Variants in DAB1 observed in about 807,000 individuals in gnomAD.
The protein encoded by DAB1 is disabled homolog 1.
Under a neutral mutation model 64.6 loss-of-function variants are expected in DAB1, and 15 were observed. The observed-to-expected ratio is 0.23, with a 90% CI of 0.16 to 0.36. The LOEUF (loss-of-function observed/expected upper bound fraction) is 0.36. Among genes scored for constraint, DAB1 ranks in the 10% least tolerant of loss-of-function variants. The pLI is 1.00. For missense variants in DAB1, 596 were observed against 706.7 expected (o/e 0.84, Z 1.78); for synonymous variants, 235 against 251.9 (o/e 0.93, Z 0.64).
intron 5 of DAB1, chr1:58,056,532 T>A: frequency 1.0e-6 from 1 of 967,818 alleles, no homozygotes. Flanking sequence ...TGTTGGGTTA[T>A]GTCACCTTGC....
In DAB1 at chr1:57,465,666, T is replaced by C. The variant is rs534934312; in HGVS notation, n.626-174500A>G. Among the ~76,000 whole-genome samples, 51 of 152,266 alleles carry C rather than the reference T, an allele frequency of 3.3e-4. 1 individual carries two copies. Among genetic ancestry groups the C allele is most frequent in the Non-Finnish European group, 4.3e-4 (29 of 68,040 alleles). ...TACTCTTTCTTAAGAAGATGCATTT[T>C]GTTTTGTGTCAAAACTGGTATAATG... On this transcript the variant is annotated intron_variant and non_coding_transcript_variant, in intron 7 of 20. Transcript: ENST00000485760.
chr1:57,761,579 G>C (rs1649089282), intron 6 of DAB1, among the ~76,000 whole-genome samples: 1 of 152,172 alleles, frequency 6.6e-6, no homozygotes, highest in African/African-American at 2.4e-5. Flanking sequence ...GCAGAAGAGG[G>C]CATTGTCTTT....
intron 4 of DAB1, among the ~76,000 whole-genome samples, chr1:58,163,228 A>T (rs748082049): frequency 2.0e-5 from 3 of 152,214 alleles, no homozygotes; most frequent in Non-Finnish European, 4.4e-5. Flanking sequence ...AGTTAAGAAC[A>T]AAAGGATAGC....
chr1:58,468,268 A>G (rs1645316843), intron 3 of DAB1: 3 of 152,222 alleles, frequency 2.0e-5, no homozygotes, highest in African/African-American at 7.2e-5. Flanking sequence ...TCATCTACAA[A>G]TTATATATGA....
intron 1 of DAB1, among the ~76,000 whole-genome samples, chr1:57,412,553 C>G (rs1337304273): frequency 2.0e-5 from 3 of 152,174 alleles, no homozygotes; most frequent in African/African-American, 7.2e-5. Flanking sequence ...CCAGTGAACA[C>G]ATGACTGATA....
intron 1 of DAB1, among the ~76,000 whole-genome samples, chr1:57,380,318 C>T (rs1412535423): frequency 1.3e-5 from 2 of 152,100 alleles, no homozygotes; most frequent in Non-Finnish European, 2.9e-5. Flanking sequence ...GTAAATAAAG[C>T]GTAGCCTAGA....
At chr1:57,465,321 A>G (rs1686919548) in intron 7 of DAB1, among the ~76,000 whole-genome samples, 1 of 152,142 alleles carries the variant, frequency 6.6e-6, no homozygotes, top group Admixed American at 6.6e-5. Flanking sequence ...TATATTCTTA[A>G]TGTAGTTTGG....
At chr1:58,204,867 C>CA (rs1478200910) in intron 4 of DAB1, among the ~76,000 whole-genome samples, 1 of 152,128 alleles carries the variant, frequency 6.6e-6, no homozygotes, top group African/African-American at 2.4e-5. Flanking sequence ...CATAAGCCGT[C>CA]ACGATGTGAT....
At chr1:58,466,858 G>T (rs930122407) in intron 3 of DAB1, among the ~76,000 whole-genome samples, 9 of 152,164 alleles carry the variant, frequency 5.9e-5, no homozygotes, top group Non-Finnish European at 1.0e-4. Flanking sequence ...CTAGTTGGGG[G>T]ACTCCTTGTG....
intron 7 of DAB1, among the ~76,000 whole-genome samples, chr1:57,433,480 A>G (rs1455184217): frequency 1.3e-5 from 2 of 152,148 alleles, no homozygotes; most frequent in African/African-American, 4.8e-5. Context: ...GCATAAACAT[A>G]TGGGAAAAAA....
intron 7 of DAB1, among the ~76,000 whole-genome samples, chr1:57,552,270 G>T (rs1245079635): frequency 1.3e-5 from 2 of 152,148 alleles, no homozygotes; most frequent in Non-Finnish European, 2.9e-5. Context: ...AAATCCAGTT[G>T]AGGTCAAATA....
chr1:57,563,085 G>C (rs1471857708), intron 7 of DAB1, among the ~76,000 whole-genome samples: 1 of 152,150 alleles, frequency 6.6e-6, no homozygotes, highest in Admixed American at 6.5e-5. Flanking sequence ...CAGGAATAAG[G>C]TTTGGGTCAC....
intron 7 of DAB1, among the ~76,000 whole-genome samples, chr1:57,574,741 A>T (rs749486164): frequency 2.0e-5 from 3 of 152,084 alleles, no homozygotes; most frequent in Non-Finnish European, 4.4e-5. Context: ...GCCAGATCCC[A>T]CCTGTTGGTG....
At chr1:57,673,825 T>C (rs1325982517) in intron 6 of DAB1, among the ~76,000 whole-genome samples, 1 of 152,196 alleles carries the variant, frequency 6.6e-6, no homozygotes, top group Non-Finnish European at 1.5e-5. Context: ...TAATTAGTCT[T>C]TCACTAGGAA....
intron 1 of DAB1, chr1:58,539,424 A>G: frequency 1.6e-6 from 1 of 623,080 alleles, no homozygotes. Flanking sequence ...TCTCAGGCTA[A>G]ATTACCTTGG....
intron 5 of DAB1, among the ~76,000 whole-genome samples, chr1:58,139,422 G>A (rs990718626): frequency 3.3e-5 from 5 of 152,158 alleles, no homozygotes; most frequent in Middle Eastern, 3.2e-3. Flanking sequence ...ATGGCAAAAG[G>A]AGAAGCAAAC....
chr1:57,815,066 T>TG (rs1226239010), intron 6 of DAB1, among the ~76,000 whole-genome samples: 2 of 152,088 alleles, frequency 1.3e-5, no homozygotes, highest in East Asian at 1.9e-4. Context: ...TTTTTGTTTT[T>TG]TTTGTTTGTT....
intron 1 of DAB1, among the ~76,000 whole-genome samples, chr1:57,840,025 T>A (rs534427565): frequency 6.6e-6 from 1 of 152,302 alleles, no homozygotes; most frequent in Non-Finnish European, 1.5e-5. Flanking sequence ...TATAAAATTG[T>A]TTTATTGTTG....
At chr1:57,046,076 T>A (rs1648448173) in intron 9 of DAB1, among the ~76,000 whole-genome samples, 1 of 152,236 alleles carries the variant, frequency 6.6e-6, no homozygotes, top group Admixed American at 6.5e-5. Context: ...TTAAACTGGA[T>A]AAATTTAGTT....
Sources: allele counts gnomAD v4.1 joint callset (sites outside exome capture counted in the v4.1 genomes callset), GRCh38; gene constraint gnomAD v4.1.1; transcripts MANE v1.5; gene names NCBI Gene and HGNC (gene_info 2026-07-23, HGNC 2026-07-21).